The following SLC38A8 variants were observed in gnomAD, a reference collection of about 807,000 sequenced individuals.
The protein encoded by SLC38A8 is amino acid transporter SLC38A8.
SLC38A8 carries 65 observed loss-of-function variants against 46.0 expected under a neutral mutation model. The ratio of observed to expected loss-of-function variants is 1.41; its 90% CI spans 1.16 to 1.74. SLC38A8 has a LOEUF of 1.74. Ranked by LOEUF, SLC38A8 falls within the 40% of genes most tolerant of loss-of-function variation. The pLI is 0.00. For synonymous variants in SLC38A8, 447 were observed against 243.7 expected, an observed-to-expected ratio of 1.83 and a Z score of -7.77; for missense variants, 998 against 567.9, an observed-to-expected ratio of 1.76 and a Z score of -7.70.
chr16:84,016,545 C>A lies in SLC38A8; in HGVS notation c.1136G>T (p.Ser379Ile). 1 of 1,614,088 alleles carries A rather than the reference C, an allele frequency of 6.2e-7. No homozygotes were observed. Among genetic ancestry groups the A allele is most frequent in the Non-Finnish European group, 8.5e-7 (1 of 1,179,994 alleles). Residue 379 changes from serine to isoleucine, a missense_variant, in exon 9 of 11, where the codon AGT becomes ATT. Physicochemically the swap from Ser to Ile is moderately radical, Grantham distance 142. Coordinates refer to ENST00000299709, the MANE Select transcript of SLC38A8 (RefSeq NM_001080442.3). ...TGGGAAGATGAAGATGAAGAAGGAA[C>A]TGATGCCTCCGATGATGCTGACGAT... ...SEIVSIIGGISSFFIFIFPGL... is the reference protein window; with the variant it reads ...SEIVSIIGGIISFFIFIFPGL...
chr16:84,041,595 G>T (rs570124876), intron 2 of SLC38A8, among the ~76,000 whole-genome samples: 2 of 152,150 alleles, frequency 1.3e-5, no homozygotes, highest in African/African-American at 4.8e-5. Flanking sequence ...TTATAGGCAC[G>T]AGCCACCGTG....
chr16:84,014,267 C>G (rs1344962349), intron 9 of SLC38A8, among the ~76,000 whole-genome samples: 1 of 151,104 alleles, frequency 6.6e-6, no homozygotes, highest in African/African-American at 2.4e-5. Flanking sequence ...GCCACAAGGC[C>G]ACACCCCTCA....
At chr16:84,032,907 T>G (rs1401595694) in intron 4 of SLC38A8, among the ~76,000 whole-genome samples, 4 of 87,052 alleles carry the variant, frequency 4.6e-5, no homozygotes, top group African/African-American at 2.3e-4. Flanking sequence ...TGTGGGTGGG[T>G]GAGCATGGGT....
intron 10 of SLC38A8, among the ~76,000 whole-genome samples, chr16:84,012,219 GGA>G (rs1268855438): frequency 6.6e-6 from 1 of 152,174 alleles, no homozygotes; most frequent in Non-Finnish European, 1.5e-5. Context: ...GGGATGGGAG[GGA>G]GTCACCCAGA....
chr16:84,027,905 G>C (rs1230997118), intron 6 of SLC38A8, among the ~76,000 whole-genome samples: 1 of 152,164 alleles, frequency 6.6e-6, no homozygotes, highest in Admixed American at 6.5e-5. Flanking sequence ...ACAAACAGTT[G>C]ACAGCAAAAT....
In SLC38A8 at chr16:84,031,977, G is replaced by A. The variant is rs2085245690; in HGVS notation, c.531-9C>T. 6.2e-7 allele frequency: 1 copy of A among 1,613,112 alleles called. No individual in the cohort carries two copies. Among genetic ancestry groups the A allele is most frequent in the East Asian group, 2.2e-5 (1 of 44,894 alleles). ...CCAGAGTGCCTAGGATGCTAACACA[G>A]TGACCGTGTGAGGGGCTGCGCAGTG... On this transcript the variant is annotated splice_polypyrimidine_tract_variant and intron_variant, in intron 4 of 10. Coordinates refer to ENST00000299709, the MANE Select transcript of SLC38A8 (RefSeq NM_001080442.3).
chr16:84,035,710 T>A (rs974810053), intron 3 of SLC38A8, among the ~76,000 whole-genome samples: 1 of 152,226 alleles, frequency 6.6e-6, no homozygotes, highest in African/African-American at 2.4e-5. Context: ...CCTCTATTAA[T>A]GGTAGAGAAG....
rs191772934 is a variant in SLC38A8, at chr16:84,034,083, C to T, written c.389-614G>A. Among the ~76,000 whole-genome samples, 140 of 152,326 alleles carry T rather than the reference C, an allele frequency of 9.2e-4. 1 individual carries two copies. Among genetic ancestry groups the T allele is most frequent in the African/African-American group, 3.3e-3 (136 of 41,566 alleles). On this transcript the variant is annotated intron_variant, in intron 3 of 10. Coordinates refer to ENST00000299709, the MANE Select transcript of SLC38A8 (RefSeq NM_001080442.3). ...GGCTGGTCTGGAGGAACCCTGATGGCTCCCCACAACACCTACTGCCTGATG... is the reference window on the plus strand; with the variant it reads ...GGCTGGTCTGGAGGAACCCTGATGGTTCCCCACAACACCTACTGCCTGATG...
chr16:84,027,449 T>C (rs917244039), intron 6 of SLC38A8, among the ~76,000 whole-genome samples: 1 of 152,238 alleles, frequency 6.6e-6, no homozygotes, highest in African/African-American at 2.4e-5. Flanking sequence ...CCTCTGCTCC[T>C]GAGGCCCCTC....
intron 6 of SLC38A8, among the ~76,000 whole-genome samples, chr16:84,028,150 C>T (rs1054409319): frequency 6.6e-6 from 1 of 151,364 alleles, no homozygotes; most frequent in South Asian, 2.1e-4. Context: ...TCAATGGCTA[C>T]AAAGCTGAGA....
chr16:84,013,323 C>CA (rs1202956389), intron 9 of SLC38A8, among the ~76,000 whole-genome samples: 13 of 152,290 alleles, frequency 8.5e-5, no homozygotes, highest in African/African-American at 3.1e-4. Flanking sequence ...AACATGCCCC[C>CA]CCACAGCAGA....
Position 84,033,366 on chromosome 16 carries a change from C to A in SLC38A8, c.492G>T (p.Leu164=). Residue 164 remains leucine (L), a synonymous_variant, in exon 4 of 11, where the codon CTG becomes CTT. Coordinates refer to ENST00000299709, the MANE Select transcript of SLC38A8 (RefSeq NM_001080442.3). ...PLLSVLVILP[L]SAPREIAFQK... ...GGAAGGCGATCTCCCGCGGGGCAGA[C>A]AGGGGCAGGATGACCAGCACGGAGA... is the stretch of plus-strand genomic sequence containing the variant. 6.2e-7 allele frequency: 1 copy of A among 1,614,070 alleles called. No individual in the cohort carries two copies. Among genetic ancestry groups the A allele is most frequent in the South Asian group, 1.1e-5 (1 of 91,078 alleles).
chr16:84,017,638 A>C (rs1243685163), intron 7 of SLC38A8, among the ~76,000 whole-genome samples: 3 of 152,192 alleles, frequency 2.0e-5, no homozygotes, highest in Non-Finnish European at 4.4e-5. Flanking sequence ...TACGACATCT[A>C]AAGAAAGCAG....
chr16:84,026,096 C>A (rs965661094), intron 6 of SLC38A8, among the ~76,000 whole-genome samples: 3 of 152,248 alleles, frequency 2.0e-5, no homozygotes, highest in African/African-American at 7.2e-5. Flanking sequence ...AGTCCCCGAA[C>A]GGCAGCTCTG....
At chr16:84,025,296 C>T (rs958534391) in intron 6 of SLC38A8, among the ~76,000 whole-genome samples, 2 of 152,140 alleles carry the variant, frequency 1.3e-5, no homozygotes, top group South Asian at 2.1e-4. Context: ...CTGTAGGGAC[C>T]CTACGCAGGA....
Position 84,042,145 on chromosome 16 carries a change from T to C in SLC38A8, c.13A>G (p.Thr5Ala). MEGQ[T>A]PGSRGLPEKP... Reference sequence around the variant, plus strand: ...TCTGGAAGGCCCCTGCTTCCTGGGGTCTGTCCCTCCATGGCTAGAGGCGGC... The same window carrying C: ...TCTGGAAGGCCCCTGCTTCCTGGGGCCTGTCCCTCCATGGCTAGAGGCGGC... Residue 5 changes from threonine to alanine, a missense_variant, in exon 2 of 11, where the codon ACC becomes GCC. Coordinates refer to ENST00000299709, the MANE Select transcript of SLC38A8 (RefSeq NM_001080442.3). 1 of 1,611,604 alleles carries C rather than the reference T, an allele frequency of 6.2e-7. No homozygotes were observed. The highest frequency in any genetic ancestry group is 8.5e-7 in the Non-Finnish European group (1 of 1,179,012).
rs146584696 is a variant in SLC38A8, at chr16:84,035,587, A to G, written c.388+1115T>C. Among the ~76,000 whole-genome samples the G allele has an allele frequency of 2.6e-4, 40 of 152,356 alleles. No homozygotes were observed. In the East Asian group the frequency reaches 6.0e-3, roughly 23 times the overall value. Reference sequence around the variant, plus strand: ...GCCATTCTCAGGCTGGTGTTGCAAAAAGGACATATAAACACATTTAACAAA... The same window carrying G: ...GCCATTCTCAGGCTGGTGTTGCAAAGAGGACATATAAACACATTTAACAAA... On this transcript the variant is annotated intron_variant, in intron 3 of 10. Coordinates refer to ENST00000299709, the MANE Select transcript of SLC38A8 (RefSeq NM_001080442.3).
chr16:84,025,152 G>T (rs1282754035), intron 6 of SLC38A8, among the ~76,000 whole-genome samples: 2 of 101,586 alleles, frequency 2.0e-5, no homozygotes, highest in Non-Finnish European at 4.7e-5. Context: ...GACACACCGG[G>T]CGGGGATGCT....
intron 5 of SLC38A8, among the ~76,000 whole-genome samples, chr16:84,031,333 A>G (rs1452445168): frequency 6.6e-6 from 1 of 152,046 alleles, no homozygotes. Flanking sequence ...GAGCCACCAC[A>G]CCCTACCTAG....
Sources: gnomAD v4.1 joint callset for allele counts (sites outside exome capture counted in the v4.1 genomes callset) on GRCh38, gnomAD v4.1.1 for gene constraint, MANE v1.5 for transcripts, NCBI Gene and HGNC (gene_info 2026-07-23, HGNC 2026-07-21) for gene names.